LONRF1: variants seen among roughly 807,000 people sequenced by gnomAD.
LONRF1 encodes the protein LON peptidase N-terminal domain and ring finger 1, also known as LON peptidase N-terminal domain and RING finger protein 1.
Under a neutral mutation model 85.8 loss-of-function variants are expected in LONRF1, and 37 were observed. The observed-to-expected ratio is 0.43, with a 90% CI of 0.33 to 0.57. The LOEUF is 0.57. LONRF1 is among the 20% of genes least tolerant of loss of function. LONRF1 has a pLI of 0.04. For missense variants in LONRF1, 1,036 were observed against 978.0 expected (o/e 1.06, Z -0.79); for synonymous variants, 517 against 390.1 (o/e 1.33, Z -3.83).
Position 12,754,861 on chromosome 8 carries a change from G to A in LONRF1, c.560C>T (p.Ala187Val). 1 of 1,493,712 alleles carries A rather than the reference G, an allele frequency of 6.7e-7. No homozygotes were observed. The highest frequency in any genetic ancestry group is 8.9e-7 in the Non-Finnish European group (1 of 1,126,464). The allele number at this position is 1,493,712 out of a possible 1,614,324, so 92.5% of individuals were successfully genotyped here. The change falls in exon 1 of 12, where the codon GCC (alanine) becomes GTC (valine). Residue 187 changes from alanine to valine, a missense_variant. This residue lies in a region of LONRF1 where 742 missense variants were observed against 614.4 expected (regional missense o/e 1.21). Transcript: ENST00000398246. ...GACGCTGGTTCTGAAGTCTGAAGCG[G>A]CGATGGCGGCGGCCAGAGGCGGCGG... ...PRPPPLAAAI[A>V]ASDFRTSVVL... is the part of the protein sequence containing the mutation.
chr8:12,728,984 C>T lies in LONRF1; in HGVS notation c.1927G>A (p.Gly643Arg). The change falls in exon 10 of 12, where the codon GGA becomes AGA. Residue 643 changes from glycine (G) to arginine (R), a missense_variant. Gly to Arg is a moderately radical substitution (Grantham distance 125). This residue lies in a region of LONRF1 where 265 missense variants were observed against 301.5 expected (regional missense o/e 0.88). Coordinates refer to ENST00000398246, the MANE Select transcript of LONRF1 (RefSeq NM_152271.5). Reference sequence around the variant, plus strand: ...TTTAAAACCCTAAACCGCTTTCCTCCAACTGTATCAACCACAGACCTTCCG... The same window carrying T: ...TTTAAAACCCTAAACCGCTTTCCTCTAACTGTATCAACCACAGACCTTCCG... ...PDGRSVVDTV[G>R]GKRFRVLKRG... The T allele has an allele frequency of 6.2e-7, 1 of 1,614,032 alleles. No homozygotes were observed. Among genetic ancestry groups the T allele is most frequent in the Non-Finnish European group, 8.5e-7 (1 of 1,179,898 alleles).
At chr8:12,749,103 C>A (rs1177196293) in intron 1 of LONRF1, among the ~76,000 whole-genome samples, 9 of 152,180 alleles carry the variant, frequency 5.9e-5, no homozygotes, top group Non-Finnish European at 1.0e-4. Flanking sequence ...ACAGTTAACA[C>A]CAAACCTAAG....
chr8:12,737,028 T>C lies in LONRF1; in HGVS notation c.1226A>G (p.Lys409Arg). ...CAGAACAGGTTCTGAGGACACTCTT[T>C]TTAAACAGTCCTCTCTGGCAGGCAT... ...TEMPAREDCL[K>R]RVSSEPVLSV... Residue 409 changes from lysine to arginine, a missense_variant, in exon 5 of 12, where the codon AAA becomes AGA. By Grantham distance (26) the Lys-to-Arg change is conservative. This residue lies in a region of LONRF1 where 742 missense variants were observed against 614.4 expected (regional missense o/e 1.21). Transcript: ENST00000398246. 6.2e-7 allele frequency: 1 copy of C among 1,613,708 alleles called. No homozygotes were observed. Among genetic ancestry groups the C allele is most frequent in the East Asian group, 2.2e-5 (1 of 44,854 alleles).
chr8:12,734,924 A>T (rs544502425), intron 7 of LONRF1, among the ~76,000 whole-genome samples: 12 of 152,292 alleles, frequency 7.9e-5, no homozygotes, highest in Admixed American at 1.3e-4. Flanking sequence ...AAGCTGAAAC[A>T]GTCCTCACAT....
chr8:12,744,047 C>G (rs1799046755), intron 1 of LONRF1, among the ~76,000 whole-genome samples: 1 of 152,100 alleles, frequency 6.6e-6, no homozygotes, highest in Non-Finnish European at 1.5e-5. Flanking sequence ...GATTCTAAAA[C>G]TGATGTCCAA....
intron 11 of LONRF1, 151 bp from the exon 12 acceptor site, chr8:12,723,405 T>C (rs780988101): frequency 8.2e-5 from 54 of 660,626 alleles, no homozygotes; most frequent in Non-Finnish European, 1.3e-4. Context: ...AAGTATAAAA[T>C]GGGAGAAACT....
At position 12,743,067 on chromosome 8, in the gene LONRF1, A is replaced by G. The variant is rs1304214254; in HGVS notation, c.840+97T>C. The stretch of plus-strand genomic sequence containing the variant: ...AGCACTAGATATTTTATTTGGAGTC[A>G]ACCATCTACTTTGTTAAAATTCCTA... On this transcript the variant is annotated intron_variant, in intron 2 of 11. Transcript: ENST00000398246. The G allele has an allele frequency of 6.4e-6, 5 of 780,000 alleles. No individual in the cohort carries two copies. The Admixed American group carries it at 1.1e-4, about 17-fold the overall frequency. 48.3% of individuals were successfully genotyped at this position (780,000 alleles called of 1,614,324 possible).
intron 1 of LONRF1, among the ~76,000 whole-genome samples, chr8:12,745,804 G>C (rs1277301637): frequency 6.6e-6 from 1 of 152,178 alleles, no homozygotes; most frequent in Non-Finnish European, 1.5e-5. Context: ...TATTGAATAT[G>C]ACTGTGGTAC....
chr8:12,755,280 G>C lies in LONRF1; in HGVS notation c.141C>G (p.Arg47=). The change falls in exon 1 of 12, where the codon CGC becomes CGG. Residue 47 remains arginine (R), a synonymous_variant. Coordinates refer to ENST00000398246, the MANE Select transcript of LONRF1 (RefSeq NM_152271.5). ...RLERAAAESE[R]WELLLRRGEL... ...CCCCGCGGCGGAGCAGCAGCTCCCA[G>C]CGCTCCGACTCCGCGGCCGCGCGCT... is the stretch of plus-strand genomic sequence containing the variant. 1 of 1,244,498 alleles carries C rather than the reference G, an allele frequency of 8.0e-7. No individual in the cohort carries two copies. The highest frequency in any genetic ancestry group is 1.0e-6 in the Non-Finnish European group (1 of 994,146). The allele number at this position is 1,244,498 out of a possible 1,614,324, so 77.1% of individuals were successfully genotyped here.
intron 11 of LONRF1, 130 bp downstream of exon 11, chr8:12,725,597 G>C (rs909498578): frequency 2.5e-6 from 2 of 801,766 alleles, no homozygotes; most frequent in Non-Finnish European, 2.0e-6. Flanking sequence ...GATGAGGTGG[G>C]GCTGGTGCGG....
rs1210904714 is a variant in LONRF1, at chr8:12,743,277, T to TG, written c.726dup (p.Ser243GlnfsTer2). The TG allele has an allele frequency of 6.4e-7, 1 of 1,559,822 alleles. No homozygotes were observed. Among genetic ancestry groups the TG allele is most frequent in the Non-Finnish European group, 8.8e-7 (1 of 1,132,992 alleles). ...CTGTAAATTTTTACAATCAAGTCACTGGGTTCTGAAATAAATATTTTATAA... is the reference window on the plus strand; with the variant it reads ...CTGTAAATTTTTACAATCAAGTCACTGGGGTTCTGAAATAAATATTTTATAA... On this transcript the variant is annotated frameshift_variant, in exon 2 of 12. Coordinates refer to ENST00000398246, the MANE Select transcript of LONRF1 (RefSeq NM_152271.5). LOFTEE classifies it high-confidence loss of function.
chr8:12,748,435 G>A (rs1799251573), intron 1 of LONRF1, among the ~76,000 whole-genome samples: 1 of 152,110 alleles, frequency 6.6e-6, no homozygotes, highest in Non-Finnish European at 1.5e-5. Flanking sequence ...GGGCTCAAGT[G>A]GTCCTCCCTC....
chr8:12,727,288 T>C (rs1308110904), intron 10 of LONRF1: 1 of 147,214 alleles, frequency 6.8e-6, no homozygotes, highest in East Asian at 2.0e-4. Context: ...TGCCTGCTTT[T>C]TGGCCAGCTC....
At position 12,722,023 on chromosome 8, in the gene LONRF1, A is replaced by G. The variant is rs1805901785; in HGVS notation, c.*1073T>C. 1 of 152,664 alleles carries G rather than the reference A, an allele frequency of 6.6e-6. No homozygotes were observed. Among genetic ancestry groups the G allele is most frequent in the South Asian group, 2.1e-4 (1 of 4,834 alleles). 9.5% of individuals were successfully genotyped at this position (152,664 alleles called of 1,614,324 possible). ...AAGGACAGTCACAAATTTGCAACAA[A>G]TAATTACAAAAGTTTCTAGGGCAGC... On this transcript the variant is annotated 3_prime_UTR_variant, in exon 12 of 12. Transcript: ENST00000398246.
intron 10 of LONRF1, among the ~76,000 whole-genome samples, chr8:12,728,567 G>C (rs1205908760): frequency 6.6e-6 from 1 of 152,188 alleles, no homozygotes; most frequent in Non-Finnish European, 1.5e-5. Context: ...AGATGGGTTG[G>C]AAGTTCAACT....
chr8:12,739,157 T>C (rs1798833490), intron 3 of LONRF1, among the ~76,000 whole-genome samples: 1 of 152,028 alleles, frequency 6.6e-6, no homozygotes. Context: ...TAAAAACATA[T>C]GTCCACAAAA....
At chr8:12,724,812 T>A (rs964840305) in intron 11 of LONRF1, among the ~76,000 whole-genome samples, 1 of 152,238 alleles carries the variant, frequency 6.6e-6, no homozygotes, top group African/African-American at 2.4e-5. Context: ...GATAATATGC[T>A]AAACAGAATG....
intron 1 of LONRF1, among the ~76,000 whole-genome samples, chr8:12,750,885 A>T (rs1368119174): frequency 6.6e-6 from 1 of 152,206 alleles, no homozygotes; most frequent in Non-Finnish European, 1.5e-5. Context: ...GCCGTAACAC[A>T]CTTCTACATT....
chr8:12,754,633 G>A, intron 1 of LONRF1, 67 bp downstream of exon 1: 1 of 1,250,664 alleles, frequency 8.0e-7, no homozygotes, highest in Non-Finnish European at 1.0e-6. Flanking sequence ...GACAAGCTCC[G>A]GGTCCCCGGC....
Sources: allele counts gnomAD v4.1 joint callset (sites outside exome capture counted in the v4.1 genomes callset), GRCh38; gene constraint gnomAD v4.1.1; regional missense constraint gnomAD v4.1.1; transcripts MANE v1.5; gene names NCBI Gene and HGNC (gene_info 2026-07-23, HGNC 2026-07-21).